The following NRG3 variants were observed in gnomAD, a reference collection of about 807,000 sequenced individuals.
NRG3 encodes the protein neuregulin 3.
A neutral mutation model predicts 66.9 loss-of-function variants in NRG3; 31 were observed. The ratio of observed to expected loss-of-function variants is 0.46; its 90% CI spans 0.35 to 0.63. The LOEUF (loss-of-function observed/expected upper bound fraction) is 0.63, where lower values mean the gene tolerates loss of function less well. Among genes scored for constraint, NRG3 ranks in the 20% least tolerant of loss-of-function variants. NRG3 has a pLI of 0.00. For synonymous variants in NRG3, 393 were observed against 359.4 expected (o/e 1.09, Z -1.06); for missense variants, 910 against 878.9 (o/e 1.04, Z -0.45).
At chr10:82,763,001 T>A (rs2059387659) in intron 3 of NRG3, among the ~76,000 whole-genome samples, 1 of 152,164 alleles carries the variant, frequency 6.6e-6, no homozygotes, top group Admixed American at 6.5e-5. Flanking sequence ...GTATAAAGAG[T>A]TATTGCCAAA....
intron 2 of NRG3, among the ~76,000 whole-genome samples, chr10:82,676,822 T>A (rs1021272476): frequency 4.6e-5 from 7 of 151,986 alleles, no homozygotes; most frequent in African/African-American, 1.7e-4. Flanking sequence ...GAATTTTGAT[T>A]TTTTTCTTTG....
rs80079544 is a variant in NRG3 at position 82,357,851 on chromosome 10, C to A, written c.824-888C>A. On this transcript the variant is annotated intron_variant, in intron 1 of 8. Transcript: ENST00000372141. ...CTTGAATATTATTATTAATCTAAAT[C>A]TCTGTAAAGGAAATTAAAAGCTTAA... Among the ~76,000 whole-genome samples the A allele has an allele frequency of 4.7e-3, 722 of 152,260 alleles. 5 individuals are homozygous for A. Among genetic ancestry groups the A allele is most frequent in the African/African-American group, 0.017 (691 of 41,548 alleles).
intron 1 of NRG3, among the ~76,000 whole-genome samples, chr10:82,225,687 G>A (rs2076134561): frequency 6.6e-6 from 1 of 152,166 alleles, no homozygotes; most frequent in African/African-American, 2.4e-5. Context: ...CCACACAGAT[G>A]TAATTAACTA....
chr10:82,812,672 A>T (rs2061538719), intron 3 of NRG3, among the ~76,000 whole-genome samples: 1 of 152,228 alleles, frequency 6.6e-6, no homozygotes, highest in Non-Finnish European at 1.5e-5. Flanking sequence ...CTCTCAGGAG[A>T]TAAAAATTAG....
At chr10:82,620,312 C>T (rs990639461) in intron 2 of NRG3, among the ~76,000 whole-genome samples, 1 of 152,062 alleles carries the variant, frequency 6.6e-6, no homozygotes, top group African/African-American at 2.4e-5. Context: ...GAGCTCTTGT[C>T]CAGCGTCCAA....
intron 1 of NRG3, among the ~76,000 whole-genome samples, chr10:81,988,077 A>T (rs1235217433): frequency 6.6e-6 from 1 of 152,220 alleles, no homozygotes; most frequent in African/African-American, 2.4e-5. Context: ...TAAACTAGGA[A>T]AACAAAGAAA....
intron 3 of NRG3, among the ~76,000 whole-genome samples, chr10:82,845,559 A>G (rs1274311958): frequency 6.6e-6 from 1 of 152,102 alleles, no homozygotes; most frequent in African/African-American, 2.4e-5. Context: ...GTAGATGTTA[A>G]AAATCTTTAT....
At chr10:82,673,908 A>G (rs1039362038) in intron 2 of NRG3, among the ~76,000 whole-genome samples, 3 of 152,206 alleles carry the variant, frequency 2.0e-5, no homozygotes, top group Non-Finnish European at 4.4e-5. Flanking sequence ...ACATAGATCC[A>G]GGAGAGAACG....
intron 2 of NRG3, among the ~76,000 whole-genome samples, chr10:82,378,073 C>T (rs1207852427): frequency 6.6e-6 from 1 of 152,170 alleles, no homozygotes; most frequent in Non-Finnish European, 1.5e-5. Context: ...TTTTAGAACT[C>T]TCTTAAATTA....
intron 1 of NRG3, among the ~76,000 whole-genome samples, chr10:82,058,102 G>A (rs1250661724): frequency 6.6e-6 from 1 of 151,926 alleles, no homozygotes; most frequent in African/African-American, 2.4e-5. Flanking sequence ...AATAAGGGGT[G>A]TCATGTTCTG....
intron 1 of NRG3, among the ~76,000 whole-genome samples, chr10:82,034,002 C>T (rs1203041263): frequency 6.6e-6 from 1 of 152,050 alleles, no homozygotes; most frequent in Non-Finnish European, 1.5e-5. Flanking sequence ...TCTTTAACTA[C>T]CTTAGAAATG....
intron 2 of NRG3, among the ~76,000 whole-genome samples, chr10:82,375,797 G>A (rs992426351): frequency 2.0e-5 from 3 of 151,980 alleles, no homozygotes; most frequent in African/African-American, 7.3e-5. Context: ...AGGTCTCCTC[G>A]AATTCTAAAT....
chr10:82,845,410 C>T (rs1022132289), intron 3 of NRG3, among the ~76,000 whole-genome samples: 2 of 151,990 alleles, frequency 1.3e-5, no homozygotes, highest in African/African-American at 4.8e-5. Flanking sequence ...CTTTTTTACA[C>T]TTATGTCATT....
chr10:82,545,074 T>G (rs1005714865), intron 2 of NRG3, among the ~76,000 whole-genome samples: 11 of 152,134 alleles, frequency 7.2e-5, no homozygotes, highest in African/African-American at 2.4e-4. Context: ...TATCTAGGGC[T>G]CAGTATAGAA....
intron 2 of NRG3, among the ~76,000 whole-genome samples, chr10:82,579,049 C>T (rs2046200695): frequency 6.6e-6 from 1 of 151,744 alleles, no homozygotes; most frequent in South Asian, 2.1e-4. Context: ...TGCAGCTTTA[C>T]TTTGATTGTA....
At chr10:82,895,276 C>T (rs1448377630) in intron 4 of NRG3, among the ~76,000 whole-genome samples, 1 of 152,116 alleles carries the variant, frequency 6.6e-6, no homozygotes, top group African/African-American at 2.4e-5. Flanking sequence ...TTCAGACCTC[C>T]AGCCCTTAGC....
intron 1 of NRG3, among the ~76,000 whole-genome samples, chr10:82,050,149 G>C (rs1283988800): frequency 6.9e-6 from 1 of 144,510 alleles, no homozygotes; most frequent in Non-Finnish European, 1.5e-5. Flanking sequence ...TGTTCAAGGA[G>C]TGGAATATTC....
At chr10:82,781,761 G>T (rs191032329) in intron 3 of NRG3, among the ~76,000 whole-genome samples, 48 of 152,082 alleles carry the variant, frequency 3.2e-4, no homozygotes, top group Admixed American at 2.1e-3. Flanking sequence ...GTCAGGGAAG[G>T]CATCTTCTTA....
chr10:82,732,987 T>G (rs1409122899), intron 2 of NRG3, among the ~76,000 whole-genome samples: 1 of 152,220 alleles, frequency 6.6e-6, no homozygotes. Flanking sequence ...CATGTTTCTA[T>G]TTTCCTGTAA....
Sources: allele counts gnomAD v4.1 joint callset (sites outside exome capture counted in the v4.1 genomes callset), GRCh38; gene constraint gnomAD v4.1.1; transcripts MANE v1.5; gene names NCBI Gene and HGNC (gene_info 2026-07-23, HGNC 2026-07-21).